CYB5R4: variants seen among roughly 807,000 people sequenced by gnomAD.
CYB5R4 encodes N-terminal cytochrome b5 and cytochrome b5 oxidoreductase domain-containing protein.
A neutral mutation model predicts 70.2 loss-of-function variants in CYB5R4; 55 were observed. The observed-to-expected ratio is 0.78, with a 90% CI of 0.63 to 0.98. The LOEUF (loss-of-function observed/expected upper bound fraction) is 0.98. CYB5R4 is among the 50% of genes least tolerant of loss of function. The pLI, the probability that CYB5R4 is intolerant of heterozygous loss-of-function variation, is 0.00. For synonymous variants in CYB5R4, 197 were observed against 199.5 expected (o/e 0.99, Z 0.11); for missense variants, 562 against 612.6 (o/e 0.92, Z 0.87).
rs2099455654 is a variant in CYB5R4, at chr6:83,859,792, G to C, written c.10G>C (p.Val4Leu). The change falls in exon 1 of 16, where the codon GTC (valine) becomes CTC (leucine). Residue 4 changes from valine to leucine, a missense_variant. Transcript: ENST00000369681. Reference sequence around the variant, plus strand: ...GGGCCGGGGTTTGAAGATGCTGAACGTCCCTTCCCAGTCTTTCCCGGCCCC... The same window carrying C: ...GGGCCGGGGTTTGAAGATGCTGAACCTCCCTTCCCAGTCTTTCCCGGCCCC... MLN[V>L]PSQSFPAPRS... 6.2e-7 allele frequency: 1 copy of C among 1,613,296 alleles called. No individual in the cohort carries two copies. Among genetic ancestry groups the C allele is most frequent in the African/African-American group, 1.3e-5 (1 of 74,920 alleles).
chr6:83,871,138 G>A (rs375155327), intron 2 of CYB5R4, among the ~76,000 whole-genome samples: 40 of 151,872 alleles, frequency 2.6e-4, no homozygotes, highest in African/African-American at 9.2e-4. Context: ...AGCCATGCCC[G>A]GCTAATTTTT....
Position 83,965,562 on chromosome 6 carries a change from G to A in CYB5R4, c.*5684G>A, listed in dbSNP as rs1365210191. 1 of 152,132 alleles carries A rather than the reference G, an allele frequency of 6.6e-6. No individual in the cohort carries two copies. The highest frequency in any genetic ancestry group is 1.5e-5 in the Non-Finnish European group (1 of 68,042). 9.4% of individuals were successfully genotyped at this position (152,132 alleles called of 1,614,324 possible). On this transcript the variant is annotated 3_prime_UTR_variant, in exon 16 of 16. Transcript: ENST00000369681. The stretch of plus-strand genomic sequence containing the variant: ...GATTTTACAGGCTCATAAGTGGAAG[G>A]GACTTGCCTTGTCTCAGATGAGACT...
chr6:83,872,052 TC>T (rs1460833669), intron 2 of CYB5R4, among the ~76,000 whole-genome samples: 1 of 152,238 alleles, frequency 6.6e-6, no homozygotes, highest in Admixed American at 6.5e-5. Context: ...AGATTTTTTT[TC>T]TTCAGCATTT....
At chr6:83,911,205 G>A (rs1334025321) in intron 4 of CYB5R4, among the ~76,000 whole-genome samples, 1 of 151,946 alleles carries the variant, frequency 6.6e-6, no homozygotes, top group African/African-American at 2.4e-5. Context: ...AGGATTTTGA[G>A]ACTAGCTTGG....
chr6:83,908,379 T>C (rs1253011926), intron 3 of CYB5R4, among the ~76,000 whole-genome samples: 2 of 152,200 alleles, frequency 1.3e-5, no homozygotes, highest in African/African-American at 4.8e-5. Flanking sequence ...AAAAGCCTAG[T>C]TGCATTTGCA....
chr6:83,949,737 T>C (rs1031046685), intron 14 of CYB5R4, among the ~76,000 whole-genome samples: 2 of 152,184 alleles, frequency 1.3e-5, no homozygotes, highest in Non-Finnish European at 2.9e-5. Context: ...GAGAATATCA[T>C]TAGCAAATGG....
chr6:83,932,930 T>C (rs1398819047), intron 10 of CYB5R4, among the ~76,000 whole-genome samples: 2 of 152,184 alleles, frequency 1.3e-5, no homozygotes, highest in East Asian at 3.9e-4. Context: ...AATTTGAACC[T>C]AGCCTTCTAG....
At chr6:83,920,441 C>T (rs61763826) in intron 7 of CYB5R4, among the ~76,000 whole-genome samples, 86 of 152,164 alleles carry the variant, frequency 5.7e-4, no homozygotes, top group African/African-American at 2.0e-3. Context: ...AAACCCAGAG[C>T]ACAGGCTCTA....
intron 3 of CYB5R4, among the ~76,000 whole-genome samples, chr6:83,907,802 A>G (rs1243035454): frequency 6.6e-6 from 1 of 152,192 alleles, no homozygotes; most frequent in Non-Finnish European, 1.5e-5. Context: ...TGCAAAAGAT[A>G]TAATCTTGTT....
At chr6:83,912,763 CA>C (rs2099464885) in intron 4 of CYB5R4, among the ~76,000 whole-genome samples, 1 of 152,170 alleles carries the variant, frequency 6.6e-6, no homozygotes, top group Non-Finnish European at 1.5e-5. Flanking sequence ...CAGTCTCCTC[CA>C]TTTCTGTAAC....
At chr6:83,914,513 G>T (rs2099465183) in intron 5 of CYB5R4, 65 bp downstream of exon 5, 1 of 1,354,856 alleles carries the variant, frequency 7.4e-7, no homozygotes, top group Non-Finnish European at 9.9e-7. Flanking sequence ...TTGATACACA[G>T]AATTGTCTGG....
At chr6:83,948,919 G>T (rs935618376) in intron 14 of CYB5R4, among the ~76,000 whole-genome samples, 4 of 151,940 alleles carry the variant, frequency 2.6e-5, no homozygotes, top group African/African-American at 9.7e-5. Flanking sequence ...AAGTGATAGT[G>T]TTCCAACCTC....
chr6:83,896,702 T>G lies in CYB5R4; in HGVS notation c.330+3080T>G, dbSNP rs189499804. Among the ~76,000 whole-genome samples, 18 of 152,336 alleles carry G rather than the reference T, an allele frequency of 1.2e-4. 1 individual carries two copies. Among genetic ancestry groups the G allele is most frequent in the Admixed American group, 9.2e-4 (14 of 15,294 alleles). ...TGTGGACACTTAGGTGGATTCCATA[T>G]TTTTGCTATTGTGAATGGTGCTGCA... is the stretch of plus-strand genomic sequence containing the variant. On this transcript the variant is annotated intron_variant, in intron 3 of 15. Coordinates refer to ENST00000369681, the MANE Select transcript of CYB5R4 (RefSeq NM_016230.4).
chr6:83,952,699 A>G (rs1038095904), intron 14 of CYB5R4, among the ~76,000 whole-genome samples: 6 of 152,184 alleles, frequency 3.9e-5, no homozygotes, highest in African/African-American at 1.2e-4. Context: ...TTTGTTTACA[A>G]TTGAGGAAAC....
chr6:83,912,056 CAAAAAAAAAAAAA>C (rs34601186), intron 4 of CYB5R4, among the ~76,000 whole-genome samples: 3 of 64,684 alleles, frequency 4.6e-5, no homozygotes, highest in East Asian at 1.3e-3. Flanking sequence ...GGCCTTGTCT[CAAAAAAAAAAAAA>C]AAAAAAAAGC....
chr6:83,894,128 A>ATG (rs1209305741), intron 3 of CYB5R4, among the ~76,000 whole-genome samples: 1 of 152,220 alleles, frequency 6.6e-6, no homozygotes, highest in Non-Finnish European at 1.5e-5. Flanking sequence ...TTTTCCTAGC[A>ATG]TGATGGCAGA....
chr6:83,940,608 A>C lies in CYB5R4; in HGVS notation c.1346+7A>C. On this transcript the variant is annotated splice_region_variant and intron_variant, in intron 14 of 15. Coordinates refer to ENST00000369681, the MANE Select transcript of CYB5R4 (RefSeq NM_016230.4). ...TAGCATTTAAAGATAAAAGGTATTA[A>C]ACTGATATTAGCTCTGCGTTTAGTT... 6.3e-7 allele frequency: 1 copy of C among 1,596,006 alleles called. No homozygotes were observed. The highest frequency in any genetic ancestry group is 1.7e-4 in the Middle Eastern group (1 of 5,978).
chr6:83,927,412 C>G (rs1037738264), intron 10 of CYB5R4, among the ~76,000 whole-genome samples: 1 of 152,154 alleles, frequency 6.6e-6, no homozygotes, highest in Non-Finnish European at 1.5e-5. Context: ...AAGACTGCCC[C>G]CTACTTCACA....
At chr6:83,921,036 G>A (rs2099466294) in intron 7 of CYB5R4, 46 bp from the exon 8 acceptor site, 7 of 1,356,442 alleles carry the variant, frequency 5.2e-6, no homozygotes, top group Non-Finnish European at 6.9e-6. Context: ...GAAGTTTGGG[G>A]GAAAATTTTA....
Sources: allele counts gnomAD v4.1 joint callset (sites outside exome capture counted in the v4.1 genomes callset), GRCh38; gene constraint gnomAD v4.1.1; transcripts MANE v1.5; gene names NCBI Gene and HGNC (gene_info 2026-07-23, HGNC 2026-07-21).